The following PHF20L1 variants were observed in gnomAD, a reference collection of about 807,000 sequenced individuals.
The protein encoded by PHF20L1 is PHD finger protein 20 like 1.
In PHF20L1, 44 loss-of-function variants were observed where a neutral mutation model predicts 125.5. That is an observed-to-expected ratio of 0.35 (90% CI 0.28 to 0.45). The LOEUF (loss-of-function observed/expected upper bound fraction) is 0.45. Ranked by LOEUF, PHF20L1 falls within the 20% of genes least tolerant of loss-of-function variation. The pLI, the probability that PHF20L1 is intolerant of heterozygous loss-of-function variation, is 1.00. For synonymous variants in PHF20L1, 380 were observed against 403.1 expected (o/e 0.94, Z 0.69); for missense variants, 1,012 against 1,217.2 (o/e 0.83, Z 2.51).
chr8:132,821,469 C>T (rs750059752), intron 12 of PHF20L1, among the ~76,000 whole-genome samples: 4 of 151,938 alleles, frequency 2.6e-5, no homozygotes, highest in Non-Finnish European at 4.4e-5. Context: ...CAACATCTCA[C>T]ATCAACTTTA....
At chr8:132,797,201 C>A (rs1832496063) in intron 4 of PHF20L1, among the ~76,000 whole-genome samples, 1 of 151,732 alleles carries the variant, frequency 6.6e-6, no homozygotes, top group South Asian at 2.1e-4. Flanking sequence ...TTCTGTATGC[C>A]CCAAGTGGTG....
chr8:132,791,042 TAGAC>T (rs748848845), intron 2 of PHF20L1, among the ~76,000 whole-genome samples: 5 of 152,192 alleles, frequency 3.3e-5, no homozygotes, highest in African/African-American at 4.8e-5. Context: ...TGTGTATTCT[TAGAC>T]AGGTCTTCAT....
rs1317242313 is a variant in PHF20L1, at chr8:132,836,621, A to G, written c.1991A>G (p.Asp664Gly). ...LSGDEYNQDF[D>G]STNFEESQDE... is the part of the protein sequence containing the mutation. The stretch of plus-strand genomic sequence containing the variant: ...GGGGATGAATACAATCAGGACTTTG[A>G]TTCAACCAATTTTGAGGAATCTCAG... The change falls in exon 16 of 21, where the codon GAT becomes GGT. Residue 664 changes from aspartate (D) to glycine (G), a missense_variant. By Grantham distance (94) the Asp-to-Gly change is moderately conservative (BLOSUM62 -1). This residue lies in a region of PHF20L1 where 320 missense variants were observed against 293.8 expected (regional missense o/e 1.09). Transcript: ENST00000395386. 1.2e-6 allele frequency: 2 copies of G among 1,612,876 alleles called. No individual in the cohort carries two copies. The highest frequency in any genetic ancestry group is 1.7e-6 in the Non-Finnish European group (2 of 1,179,198).
intron 14 of PHF20L1, among the ~76,000 whole-genome samples, chr8:132,828,028 GAGTGGTCTTTA>G (rs1487808654): frequency 6.6e-6 from 1 of 152,002 alleles, no homozygotes; most frequent in Admixed American, 6.6e-5. Flanking sequence ...TAAATTAGAA[GAGTGGTCTTTA>G]AGTGGGAAAT....
chr8:132,781,952 T>C (rs980326085), intron 2 of PHF20L1, among the ~76,000 whole-genome samples: 2 of 152,236 alleles, frequency 1.3e-5, no homozygotes, highest in African/African-American at 4.8e-5. Context: ...AAAAATATTA[T>C]AGCTTTACAA....
chr8:132,819,905 G>A (rs1835390444), intron 12 of PHF20L1, among the ~76,000 whole-genome samples: 1 of 151,834 alleles, frequency 6.6e-6, no homozygotes, highest in Admixed American at 6.6e-5. Context: ...CTGTGAAATT[G>A]TTCAACATGG....
intron 17 of PHF20L1, chr8:132,839,159 C>T (rs1837673693): frequency 6.2e-6 from 3 of 483,780 alleles, no homozygotes; most frequent in South Asian, 6.4e-5. Flanking sequence ...TGTCATCTGC[C>T]ACTGACCATG....
At chr8:132,808,691 T>C (rs1834012683) in intron 8 of PHF20L1, 1 of 152,084 alleles carries the variant, frequency 6.6e-6, no homozygotes, top group African/African-American at 2.4e-5. Flanking sequence ...CAGTACTGTA[T>C]CTTTTTCAGT....
intron 20 of PHF20L1, among the ~76,000 whole-genome samples, chr8:132,844,917 A>G (rs2131964375): frequency 6.6e-6 from 1 of 152,134 alleles, no homozygotes. Context: ...GTTTCTTCCT[A>G]ACATCATAGA....
At position 132,839,480 on chromosome 8, in the gene PHF20L1, A is replaced by T. The variant is rs1224338738; in HGVS notation, c.2285A>T (p.His762Leu). ...GLSFFKENYS[H>L]LNAKKIVSTH... ...TCATTTTTCAAAGAAAATTATTCTC[A>T]TCTCAATGCCAAAAAGATAGTTTCT... Residue 762 changes from histidine to leucine, a missense_variant, in exon 18 of 21, where the codon CAT becomes CTT. Around this residue, in one of 7 missense-constraint regions of PHF20L1, gnomAD observed 55 missense variants for 114.8 expected, o/e 0.48. Coordinates refer to ENST00000395386, the MANE Select transcript of PHF20L1 (RefSeq NM_016018.5). 6.2e-7 allele frequency: 1 copy of T among 1,613,140 alleles called. No homozygotes were observed. The highest frequency in any genetic ancestry group is 2.2e-5 in the East Asian group (1 of 44,862).
rs1375519411 is a variant in PHF20L1, at chr8:132,814,692, C to G, written c.986C>G (p.Ser329Cys). The G allele has an allele frequency of 6.2e-7, 1 of 1,611,686 alleles. No individual in the cohort carries two copies. Among genetic ancestry groups the G allele is most frequent in the East Asian group, 2.2e-5 (1 of 44,830 alleles). Residue 329 changes from serine (S) to cysteine (C), a missense_variant, in exon 10 of 21, where the codon TCT becomes TGT. Ser to Cys is a moderately radical substitution (Grantham distance 112, BLOSUM62 -1). Transcript: ENST00000395386. ...QKKNEADISS[S>C]ANTQKPALLS... Reference sequence around the variant, plus strand: ...AAAAATGAAGCTGACATTAGCAGTTCTGCCAACACTCAGAAACCTGCACTG... The same window carrying G: ...AAAAATGAAGCTGACATTAGCAGTTGTGCCAACACTCAGAAACCTGCACTG...
chr8:132,833,474 C>T (rs941940887), intron 15 of PHF20L1, among the ~76,000 whole-genome samples: 5 of 152,060 alleles, frequency 3.3e-5, no homozygotes, highest in African/African-American at 1.2e-4. Flanking sequence ...TCTTCACCCC[C>T]GGTGAACCTT....
intron 16 of PHF20L1, 91 bp downstream of exon 16, chr8:132,836,812 A>C (rs1329831463): frequency 2.3e-6 from 2 of 885,830 alleles, no homozygotes; most frequent in South Asian, 3.2e-5. Context: ...TACTGACTGT[A>C]CTACTGAAGA....
rs779339947 is a variant in PHF20L1, at chr8:132,814,905, T to TA, written c.1183+22dup. 2.0e-6 allele frequency: 3 copies of TA among 1,529,742 alleles called. No homozygotes were observed. The highest frequency in any genetic ancestry group is 1.4e-5 in the African/African-American group (1 of 72,026). The allele number at this position is 1,529,742 out of a possible 1,614,324, so 94.8% of individuals were successfully genotyped here. On this transcript the variant is annotated intron_variant, in intron 10 of 20. Transcript: ENST00000395386. The stretch of plus-strand genomic sequence containing the variant: ...AATAAAACTAGTGAGCACAGATTTT[T>TA]AAAAAATAGTTATTTATCCTATAAG...
At chr8:132,835,210 C>T (rs1837216123) in intron 15 of PHF20L1, among the ~76,000 whole-genome samples, 1 of 152,072 alleles carries the variant, frequency 6.6e-6, no homozygotes, top group Non-Finnish European at 1.5e-5. Flanking sequence ...TAGCATTCAA[C>T]AATGCAAAGT....
At chr8:132,780,961 C>T (rs1391396124) in intron 2 of PHF20L1, among the ~76,000 whole-genome samples, 2 of 151,188 alleles carry the variant, frequency 1.3e-5, no homozygotes, top group African/African-American at 4.9e-5. Context: ...CCTGCCACCT[C>T]AGCCTCTTGA....
At chr8:132,812,316 A>G (rs939698837) in intron 9 of PHF20L1, 2 of 985,004 alleles carry the variant, frequency 2.0e-6, no homozygotes, top group Non-Finnish European at 2.4e-6. Flanking sequence ...TGGAAAATTC[A>G]TTACAATGTC....
rs1206438336 is a variant in PHF20L1 at position 132,839,650 on chromosome 8, G to A, written c.2387+68G>A. The A allele has an allele frequency of 3.7e-6, 4 of 1,072,464 alleles. No individual in the cohort carries two copies. The African/African-American group carries it at 6.3e-5, about 17-fold the overall frequency. The allele number at this position is 1,072,464 out of a possible 1,614,324, so 66.4% of individuals were successfully genotyped here. A position where few individuals can be genotyped will look rare whatever the true frequency, so the allele number is the denominator to read the frequency against. ...GTTTTAATTCAAACCAACACTGTTG[G>A]CCTTTTGATGGTCCAGAGTAACAGT... is the stretch of plus-strand genomic sequence containing the variant. On this transcript the variant is annotated intron_variant, in intron 18 of 20. Transcript: ENST00000395386.
In PHF20L1 at chr8:132,842,559, A is replaced by G; in HGVS notation, c.2432A>G (p.Lys811Arg). The change falls in exon 19 of 21, where the codon AAG becomes AGG. Residue 811 changes from lysine (K) to arginine (R), a missense_variant. Lys to Arg is a conservative substitution (Grantham distance 26). Coordinates refer to ENST00000395386, the MANE Select transcript of PHF20L1 (RefSeq NM_016018.5). ...CTTCATCTCTGGGCTTGTTCCGGGAAGCGAAAAGACCAAGATCAAATAATA... is the reference window on the plus strand; with the variant it reads ...CTTCATCTCTGGGCTTGTTCCGGGAGGCGAAAAGACCAAGATCAAATAATA... ...PDLHLWACSG[K>R]RKDQDQIIAG... The G allele has an allele frequency of 6.2e-7, 1 of 1,611,344 alleles. No individual in the cohort carries two copies. The highest frequency in any genetic ancestry group is 8.5e-7 in the Non-Finnish European group (1 of 1,179,100).
Sources: gnomAD v4.1 joint callset for allele counts (sites outside exome capture counted in the v4.1 genomes callset) on GRCh38, gnomAD v4.1.1 for gene constraint, gnomAD v4.1.1 regional missense constraint, MANE v1.5 for transcripts, NCBI Gene and HGNC (gene_info 2026-07-23, HGNC 2026-07-21) for gene names.